Variants in NSMCE4A observed in about 807,000 individuals in gnomAD.
The protein encoded by NSMCE4A is NSE4A component of SMC5/6 complex.
In NSMCE4A, 40 loss-of-function variants were observed where a neutral mutation model predicts 47.9. The observed-to-expected ratio is 0.83, with a 90% confidence interval of 0.65 to 1.09. The LOEUF is 1.09. Among genes scored for constraint, NSMCE4A ranks in the 50% least tolerant of loss-of-function variants. NSMCE4A has a pLI of 0.00. For missense variants in NSMCE4A, 500 were observed against 507.0 expected, an observed-to-expected ratio of 0.99 and a Z score of 0.13; for synonymous variants, 166 against 178.5, an observed-to-expected ratio of 0.93 and a Z score of 0.56.
At chr10:121,961,184 TC>T (rs1241560699) in intron 7 of NSMCE4A, among the ~76,000 whole-genome samples, 2 of 152,182 alleles carry the variant, frequency 1.3e-5, no homozygotes, top group Non-Finnish European at 2.9e-5. Flanking sequence ...AATCTAAAGT[TC>T]CATATTCAAA....
At position 121,959,510 on chromosome 10, in the gene NSMCE4A, A is replaced by C. The variant is rs1171847382; in HGVS notation, c.1074T>G (p.Arg358=). The C allele has an allele frequency of 1.2e-6, 2 of 1,614,048 alleles. No individual in the cohort carries two copies. Among genetic ancestry groups the C allele is most frequent in the Middle Eastern group, 1.7e-4 (1 of 6,060 alleles). ...RNQGIIALSY[R]DWEEIVKTFE... is the part of the protein sequence containing the mutation. ...ACAGGCAGAGCTTTACCTCCCAGTCACGGTAACTCAAAGCTATAATTCCTT... is the reference window on the plus strand; with the variant it reads ...ACAGGCAGAGCTTTACCTCCCAGTCCCGGTAACTCAAAGCTATAATTCCTT... The change falls in exon 9 of 11, where the codon CGT becomes CGG. Residue 358 remains arginine (R), a synonymous_variant. Transcript: ENST00000369023.
intron 6 of NSMCE4A, chr10:121,962,000 C>A: frequency 3.3e-6 from 1 of 298,568 alleles, no homozygotes; most frequent in Admixed American, 4.4e-5. Flanking sequence ...ATCCCAGCTA[C>A]TCAGGAGGCT....
At chr10:121,968,717 T>C (rs1189345551) in intron 3 of NSMCE4A, among the ~76,000 whole-genome samples, 2 of 152,188 alleles carry the variant, frequency 1.3e-5, no homozygotes, top group Non-Finnish European at 2.9e-5. Context: ...ATATCATATA[T>C]AAACAATAAT....
At chr10:121,971,868 A>C (rs990771595) in intron 2 of NSMCE4A, among the ~76,000 whole-genome samples, 1 of 152,212 alleles carries the variant, frequency 6.6e-6, no homozygotes, top group African/African-American at 2.4e-5. Context: ...TGGCACTAGG[A>C]GGCTCATGCC....
At chr10:121,962,279 C>T (rs1478404920) in intron 6 of NSMCE4A, among the ~76,000 whole-genome samples, 3 of 149,266 alleles carry the variant, frequency 2.0e-5, no homozygotes, top group East Asian at 4.1e-4. Flanking sequence ...ATTAGCCAGG[C>T]GTGGTGGCGG....
chr10:121,975,076 C>CGAGCGG lies in NSMCE4A; in HGVS notation c.84_89dup (p.Arg31_Ser32dup), dbSNP rs573706496. 188 of 1,445,876 alleles carry CGAGCGG rather than the reference C, an allele frequency of 1.3e-4. No homozygotes were observed. The highest frequency in any genetic ancestry group is 1.3e-3 in the African/African-American group (85 of 66,736). The allele number at this position is 1,445,876 out of a possible 1,614,324, so 89.6% of individuals were successfully genotyped here. ...GGGACCTGGGCGACAAAGGGGACCG[C>CGAGCGG]GAGCGGGAGCGGGAGCGGGTGCGAT... is the stretch of plus-strand genomic sequence containing the variant. On this transcript the variant is annotated inframe_insertion, in exon 1 of 11. Coordinates refer to ENST00000369023, the MANE Select transcript of NSMCE4A (RefSeq NM_017615.3).
At chr10:121,962,619 C>CAT (rs72007472) in intron 6 of NSMCE4A, among the ~76,000 whole-genome samples, 1 of 148,416 alleles carries the variant, frequency 6.7e-6, no homozygotes, top group Non-Finnish European at 1.5e-5. Flanking sequence ...AAAAAACAAA[C>CAT]TTTTTTTTTT....
chr10:121,963,196 G>T, intron 6 of NSMCE4A, 42 bp downstream of exon 6: 1 of 1,252,698 alleles, frequency 8.0e-7, no homozygotes, highest in Non-Finnish European at 1.2e-6. Context: ...TCAGTGAACA[G>T]ATAAATACAA....
chr10:121,957,209 A>G lies in NSMCE4A; in HGVS notation c.*63T>C, dbSNP rs1272341755. ...CTTTAAAAATGTTGAATCATACAATATGTACGATACATGCCGCTTTCCGTT... is the reference window on the plus strand; with the variant it reads ...CTTTAAAAATGTTGAATCATACAATGTGTACGATACATGCCGCTTTCCGTT... On this transcript the variant is annotated 3_prime_UTR_variant, in exon 11 of 11. Transcript: ENST00000369023. 5 of 152,640 alleles carry G rather than the reference A, an allele frequency of 3.3e-5. No homozygotes were observed. Among genetic ancestry groups the G allele is most frequent in the African/African-American group, 1.2e-4 (5 of 41,444 alleles). The allele number at this position is 152,640 out of a possible 1,614,324, so 9.5% of individuals were successfully genotyped here. A position where few individuals can be genotyped will look rare whatever the true frequency, so the allele number is the denominator to read the frequency against.
chr10:121,960,837 GAAGT>G lies in NSMCE4A; in HGVS notation c.940-435_940-432del, dbSNP rs1349532667. On this transcript the variant is annotated intron_variant, in intron 7 of 10. Coordinates refer to ENST00000369023, the MANE Select transcript of NSMCE4A (RefSeq NM_017615.3). This position sits in a 1 kb window ranked among gnomAD's most constrained non-coding sequence, Gnocchi z 4.2. ...CATCTTACATGTGGGAATGCAACCTGAAGTAAGATTAAAGATAGTCTAAAGCAAA... is the reference window on the plus strand; with the variant it reads ...CATCTTACATGTGGGAATGCAACCTGAAGATTAAAGATAGTCTAAAGCAAA... Among the ~76,000 whole-genome samples, 1 of 152,168 alleles carries G rather than the reference GAAGT, an allele frequency of 6.6e-6. No individual in the cohort carries two copies. Among genetic ancestry groups the G allele is most frequent in the Non-Finnish European group, 1.5e-5 (1 of 68,020 alleles).
intron 6 of NSMCE4A, among the ~76,000 whole-genome samples, chr10:121,962,671 G>A (rs1296163701): frequency 6.6e-6 from 1 of 150,932 alleles, no homozygotes; most frequent in Non-Finnish European, 1.5e-5. Flanking sequence ...AGAGTGCAAT[G>A]GCGTGATCTT....
At chr10:121,970,102 A>G (rs959529974) in intron 3 of NSMCE4A, among the ~76,000 whole-genome samples, 1 of 152,202 alleles carries the variant, frequency 6.6e-6, no homozygotes, top group African/African-American at 2.4e-5. Flanking sequence ...TCATCAAGGA[A>G]CAGTTTTAGA....
intron 1 of NSMCE4A, chr10:121,974,294 G>C: frequency 7.2e-7 from 1 of 1,379,970 alleles, no homozygotes; most frequent in Non-Finnish European, 9.4e-7. Context: ...GGAAACCCTA[G>C]CTCCCTCTAA....
intron 10 of NSMCE4A, among the ~76,000 whole-genome samples, chr10:121,957,769 A>T (rs1231287119): frequency 6.6e-6 from 1 of 152,000 alleles, no homozygotes; most frequent in Admixed American, 6.6e-5. Context: ...ACAACTTGGA[A>T]CAAAAGTATT....
At chr10:121,974,583 C>T in intron 1 of NSMCE4A, 3 of 1,038,434 alleles carry the variant, frequency 2.9e-6, no homozygotes, top group Non-Finnish European at 3.5e-6. Flanking sequence ...CGCGTCCTGC[C>T]TCTCCCCACT....
Position 121,970,967 on chromosome 10 carries a change from A to G in NSMCE4A, c.473T>C (p.Phe158Ser), listed in dbSNP as rs1952697346. ...AKQLRSDLSS[F>S]DMLRYVETLL... is the part of the protein sequence containing the mutation. Reference sequence around the variant, plus strand: ...AGTTTCAACATATCTTAACATGTCAAAGGAGCTCAGGTCTGAGCGCAGCTG... The same window carrying G: ...AGTTTCAACATATCTTAACATGTCAGAGGAGCTCAGGTCTGAGCGCAGCTG... The change falls in exon 3 of 11, where the codon TTT (phenylalanine) becomes TCT (serine). Residue 158 changes from phenylalanine (F) to serine (S), a missense_variant. Phe to Ser is a radical substitution (Grantham distance 155). Coordinates refer to ENST00000369023, the MANE Select transcript of NSMCE4A (RefSeq NM_017615.3). 1.2e-6 allele frequency: 2 copies of G among 1,613,016 alleles called. No individual in the cohort carries two copies.
chr10:121,967,929 C>T (rs954412896), intron 3 of NSMCE4A, 123 bp from the exon 4 acceptor site: 2 of 910,552 alleles, frequency 2.2e-6, no homozygotes, highest in African/African-American at 1.7e-5. Context: ...AGTGTCTTAA[C>T]ATGCTGGCTA....
chr10:121,962,043 G>A (rs752649389), intron 6 of NSMCE4A: 2 of 364,950 alleles, frequency 5.5e-6, no homozygotes, highest in Non-Finnish European at 1.1e-5. Flanking sequence ...CCAGGAGGTG[G>A]AGGTTGCAGT....
chr10:121,974,273 GA>G (rs1451472978), intron 1 of NSMCE4A, 192 bp from the exon 2 acceptor site: 44 of 1,404,282 alleles, frequency 3.1e-5, no homozygotes, highest in Non-Finnish European at 3.6e-5. Flanking sequence ...TATGCAGCAT[GA>G]ATTTTAAAAG....
Sources: gnomAD v4.1 joint callset for allele counts (sites outside exome capture counted in the v4.1 genomes callset) on GRCh38, gnomAD v4.1.1 for gene constraint, Gnocchi (gnomAD v3.1) non-coding constraint, MANE v1.5 for transcripts, NCBI Gene and HGNC (gene_info 2026-07-23, HGNC 2026-07-21) for gene names.